The following ATP8A1 variants were observed in gnomAD, a reference collection of about 807,000 sequenced individuals.
ATP8A1 encodes phospholipid-transporting ATPase IA.
Under a neutral mutation model 177.7 loss-of-function variants are expected in ATP8A1, and 90 were observed. The observed-to-expected ratio is 0.51, with a 90% CI of 0.43 to 0.60. The LOEUF (loss-of-function observed/expected upper bound fraction) is 0.60. Ranked by LOEUF, ATP8A1 falls within the 20% of genes least tolerant of loss-of-function variation. ATP8A1 has a pLI of 0.00. For missense variants in ATP8A1, 1,072 were observed against 1,392.8 expected (o/e 0.77, Z 3.67); for synonymous variants, 493 against 485.9 (o/e 1.01, Z -0.19).
intron 14 of ATP8A1, 86 bp from the exon 15 acceptor site, chr4:42,569,291 TA>T: frequency 2.9e-6 from 3 of 1,024,276 alleles, no homozygotes; most frequent in Non-Finnish European, 4.3e-6. Flanking sequence ...AAGGGAAGTA[TA>T]AAAAGATGGA....
intron 15 of ATP8A1, among the ~76,000 whole-genome samples, chr4:42,568,082 G>A (rs1374070826): frequency 1.3e-5 from 2 of 152,162 alleles, no homozygotes; most frequent in East Asian, 3.8e-4. Flanking sequence ...TCCACTAATA[G>A]TAAGATGCTT....
At chr4:42,494,163 A>C (rs796981421) in intron 24 of ATP8A1, among the ~76,000 whole-genome samples, 222 of 10,036 alleles carry the variant, frequency 0.022, 2 homozygotes, top group African/African-American at 0.081. Context: ...ATCATGCCAC[A>C]AAAAAAAAAA....
At chr4:42,655,302 AG>A (rs1398424943) in intron 1 of ATP8A1, among the ~76,000 whole-genome samples, 3 of 152,236 alleles carry the variant, frequency 2.0e-5, no homozygotes, top group African/African-American at 4.8e-5. Context: ...TCTTTGTAAA[AG>A]TACTTTGGAA....
At chr4:42,632,804 A>G (rs886372276) in intron 1 of ATP8A1, among the ~76,000 whole-genome samples, 2 of 152,150 alleles carry the variant, frequency 1.3e-5, no homozygotes, top group East Asian at 3.9e-4. Context: ...AAGTTCTTCT[A>G]CCAATTACCC....
intron 25 of ATP8A1, among the ~76,000 whole-genome samples, chr4:42,467,963 T>C (rs1213108677): frequency 5.3e-5 from 8 of 152,212 alleles, no homozygotes; most frequent in African/African-American, 1.7e-4. Flanking sequence ...GTCTGTTTAC[T>C]CTGCTGACTG....
At chr4:42,589,852 C>CTT (rs5857854) in intron 7 of ATP8A1, among the ~76,000 whole-genome samples, 2,606 of 149,998 alleles carry the variant, frequency 0.017, 73 homozygotes, top group African/African-American at 0.054. Context: ...TCTAATTCTA[C>CTT]TTTTTTTTTT....
chr4:42,439,004 G>A (rs1366972959), intron 33 of ATP8A1, among the ~76,000 whole-genome samples: 1 of 152,090 alleles, frequency 6.6e-6, no homozygotes, highest in Non-Finnish European at 1.5e-5. Flanking sequence ...GAGAGAAATG[G>A]CTCTGTCTTT....
chr4:42,446,512 T>A, intron 31 of ATP8A1, 71 bp downstream of exon 31: 1 of 1,495,834 alleles, frequency 6.7e-7, no homozygotes, highest in Non-Finnish European at 9.2e-7. Flanking sequence ...ACGTTTAAAT[T>A]TAAAAATAAA....
chr4:42,584,252 A>G (rs886452182), intron 9 of ATP8A1, among the ~76,000 whole-genome samples: 7 of 152,080 alleles, frequency 4.6e-5, no homozygotes, highest in Admixed American at 6.5e-5. Flanking sequence ...TAGGGGAAGC[A>G]GGGAAAGAAG....
chr4:42,509,449 C>CA (rs1431654655), intron 22 of ATP8A1, among the ~76,000 whole-genome samples: 1 of 152,236 alleles, frequency 6.6e-6, no homozygotes, highest in Non-Finnish European at 1.5e-5. Context: ...TGGGCACGCA[C>CA]ATGCATAGTA....
At position 42,574,583 on chromosome 4, in the gene ATP8A1, A is replaced by T. The variant is rs1423436326; in HGVS notation, c.1295+36T>A. 13 of 1,492,890 alleles carry T rather than the reference A, an allele frequency of 8.7e-6. No individual in the cohort carries two copies. The East Asian group carries it at 2.9e-4, about 34-fold the overall frequency. 92.5% of individuals were successfully genotyped at this position (1,492,890 alleles called of 1,614,324 possible). ...ACCAAACTGTTAGCACTAATTAAGCATGTATTTCATATCCTAATTAAAGGA... is the reference window on the plus strand; with the variant it reads ...ACCAAACTGTTAGCACTAATTAAGCTTGTATTTCATATCCTAATTAAAGGA... On this transcript the variant is annotated intron_variant, in intron 14 of 36. Transcript: ENST00000381668.
At chr4:42,471,913 G>A (rs1338167151) in intron 25 of ATP8A1, 7 of 645,994 alleles carry the variant, frequency 1.1e-5, no homozygotes, top group Non-Finnish European at 2.1e-5. Flanking sequence ...GATAAACTCG[G>A]ACCTCAAGGC....
intron 27 of ATP8A1, among the ~76,000 whole-genome samples, chr4:42,458,477 T>A (rs1718727398): frequency 6.6e-6 from 1 of 152,032 alleles, no homozygotes; most frequent in Non-Finnish European, 1.5e-5. Context: ...GAGGAAGGAG[T>A]CAGACATATC....
intron 22 of ATP8A1, among the ~76,000 whole-genome samples, chr4:42,517,702 C>A (rs1725703985): frequency 6.6e-6 from 1 of 152,214 alleles, no homozygotes. Context: ...GATGTGTCGG[C>A]AACTGATTCG....
At chr4:42,460,379 CT>C (rs35296572) in intron 27 of ATP8A1, among the ~76,000 whole-genome samples, 4,241 of 94,608 alleles carry the variant, frequency 0.045, 49 homozygotes, top group African/African-American at 0.057. Context: ...ATGGATGGAT[CT>C]TTTTTTTTTT....
chr4:42,496,080 G>T (rs1723242482), intron 24 of ATP8A1, among the ~76,000 whole-genome samples: 1 of 152,168 alleles, frequency 6.6e-6, no homozygotes, highest in South Asian at 2.1e-4. Context: ...CTCAACAGAG[G>T]TTTGAGATTT....
chr4:42,435,461 A>AAAAAAAAAAAAAAAAC lies in ATP8A1; in HGVS notation c.3123+8103_3123+8104insGTTTTTTTTTTTTTTT, dbSNP rs1553871738. Among the ~76,000 whole-genome samples the AAAAAAAAAAAAAAAAC allele has an allele frequency of 2.0e-4, 25 of 122,374 alleles. 4 individuals are homozygous for AAAAAAAAAAAAAAAAC. Among genetic ancestry groups the AAAAAAAAAAAAAAAAC allele is most frequent in the East Asian group, 7.6e-4 (3 of 3,926 alleles). 80.3% of individuals were successfully genotyped at this position (122,374 alleles called of 152,430 possible). A position where few individuals can be genotyped will look rare whatever the true frequency, so the allele number is the denominator to read the frequency against. On this transcript the variant is annotated intron_variant, in intron 33 of 36. Coordinates refer to ENST00000381668, the MANE Select transcript of ATP8A1 (RefSeq NM_006095.2). Reference sequence around the variant, plus strand: ...AAAAAAAAAAAAAACAAAAAAAAAAAAACAAACTATCTCCAGTTATGAGCT... The same window carrying AAAAAAAAAAAAAAAAC: ...AAAAAAAAAAAAAACAAAAAAAAAAAAAAAAAAAAAAAAAACAACAAACTATCTCCAGTTATGAGCT...
chr4:42,506,579 G>A (rs13141946), intron 23 of ATP8A1, among the ~76,000 whole-genome samples: 15,527 of 152,222 alleles, frequency 0.1, 988 homozygotes, highest in Admixed American at 0.16. Context: ...AGCCACGTGA[G>A]GACAGCCGAT....
rs773064827 is a variant in ATP8A1, at chr4:42,625,699, T to C, written c.179A>G (p.Asn60Ser). The change falls in exon 3 of 37, where the codon AAC (asparagine) becomes AGC (serine). Residue 60 changes from asparagine to serine, a missense_variant. Asn to Ser is a conservative substitution (Grantham distance 46, BLOSUM62 1). Coordinates refer to ENST00000381668, the MANE Select transcript of ATP8A1 (RefSeq NM_006095.2). Reference sequence around the variant, plus strand: ...AAATCTTGGAAGGAATGTGATTATGTTGTATTTTGCAGTGCTAGAAAACAA... The same window carrying C: ...AAATCTTGGAAGGAATGTGATTATGCTGTATTTTGCAGTGCTAGAAAACAA... ...CNNHVSTAKY[N>S]IITFLPRFLY... is the part of the protein sequence containing the mutation. 1 of 1,601,292 alleles carries C rather than the reference T, an allele frequency of 6.2e-7. No homozygotes were observed. Among genetic ancestry groups the C allele is most frequent in the South Asian group, 1.1e-5 (1 of 88,284 alleles).
Sources: allele counts gnomAD v4.1 joint callset (sites outside exome capture counted in the v4.1 genomes callset), GRCh38; gene constraint gnomAD v4.1.1; transcripts MANE v1.5; gene names NCBI Gene and HGNC (gene_info 2026-07-23, HGNC 2026-07-21).